The following RFC3 variants were observed in gnomAD, a reference collection of about 807,000 sequenced individuals.
The protein encoded by RFC3 is replication factor C subunit 3, also known as A1 38 kDa subunit.
RFC3 carries 41 observed loss-of-function variants against 45.1 expected under a neutral mutation model. The observed-to-expected ratio is 0.91, with a 90% CI of 0.71 to 1.18. The LOEUF is 1.18. RFC3 is among the 50% of genes most tolerant of loss of function. The pLI, the probability that RFC3 is intolerant of heterozygous loss-of-function variation, is 0.00. For missense variants in RFC3, 423 were observed against 428.1 expected (o/e 0.99, Z 0.10); for synonymous variants, 149 against 144.0 (o/e 1.03, Z -0.25).
chr13:33,831,241 CT>C lies in RFC3; in HGVS notation c.711-10del. 1 of 1,495,062 alleles carries C rather than the reference CT, an allele frequency of 6.7e-7. No individual in the cohort carries two copies. The highest frequency in any genetic ancestry group is 9.3e-7 in the Non-Finnish European group (1 of 1,071,930). The allele number at this position is 1,495,062 out of a possible 1,614,324, so 92.6% of individuals were successfully genotyped here. On this transcript the variant is annotated splice_polypyrimidine_tract_variant and intron_variant, in intron 6 of 8. Transcript: ENST00000380071. ...ACTTCTGTTTAACTTCTTGTGTTCT[CT>C]TTTTGTCATGTAGATATCCTTTTAC...
At chr13:33,838,544 A>G (rs1270264004), downstream of RFC3, among the ~76,000 whole-genome samples, 1 of 152,066 alleles carries the variant, frequency 6.6e-6, no homozygotes, top group Non-Finnish European at 1.5e-5. Context: ...CTTTTACATA[A>G]TGAGCCAATT....
chr13:33,823,976 T>C lies in RFC3; in HGVS notation c.285T>C (p.Val95=). 6.6e-7 allele frequency: 1 copy of C among 1,519,350 alleles called. No individual in the cohort carries two copies. The allele number at this position is 1,519,350 out of a possible 1,614,324, so 94.1% of individuals were successfully genotyped here. ...TTGCAAGTAACTACCACCTTGAAGT[T>C]AATCCTAGGTAAGTTACTACTATAT... ...STIASNYHLE[V]NPSDAGNSDR... The change falls in exon 3 of 9, where the codon GTT becomes GTC. Residue 95 remains valine (V), a synonymous_variant. Coordinates refer to ENST00000380071, the MANE Select transcript of RFC3 (RefSeq NM_002915.4).
chr13:33,969,505 C>T (rs1280653912), downstream of RFC3, among the ~76,000 whole-genome samples: 2 of 152,180 alleles, frequency 1.3e-5, no homozygotes, highest in Non-Finnish European at 2.9e-5. Context: ...CCCTTTAGGA[C>T]ACATGTGTGA....
rs555795532 is a variant in RFC3 at position 33,831,856 on chromosome 13, A to C, written c.809+502A>C. Among the ~76,000 whole-genome samples the C allele has an allele frequency of 1.2e-4, 19 of 152,284 alleles. No individual in the cohort carries two copies. In the South Asian group the frequency reaches 1.9e-3, roughly 15 times the overall value. ...TCATTTGTATATTGAAGATATTATTATTGCCTCACCAAGGGTACTTTTGCA... is the reference window on the plus strand; with the variant it reads ...TCATTTGTATATTGAAGATATTATTCTTGCCTCACCAAGGGTACTTTTGCA... On this transcript the variant is annotated intron_variant, in intron 7 of 8. Coordinates refer to ENST00000380071, the MANE Select transcript of RFC3 (RefSeq NM_002915.4).
At chr13:33,831,017 A>G in intron 6 of RFC3, among the ~76,000 whole-genome samples, 162 bp downstream of exon 6, 1 of 152,182 alleles carries the variant, frequency 6.6e-6, no homozygotes, top group Admixed American at 6.5e-5. Flanking sequence ...TTAGATTTTC[A>G]TTTGGAGCGT....
chr13:33,975,794 A>G, the RFC3 span, among the ~76,000 whole-genome samples: 1 of 152,210 alleles, frequency 6.6e-6, no homozygotes, highest in East Asian at 1.9e-4. Flanking sequence ...CTATACATGT[A>G]TACTAGAATT....
the RFC3 span, among the ~76,000 whole-genome samples, chr13:33,972,640 A>G: frequency 6.6e-6 from 1 of 152,186 alleles, no homozygotes; most frequent in Non-Finnish European, 1.5e-5. Flanking sequence ...CAAACTCTGT[A>G]CCTGCAAGAT....
At chr13:33,906,350 A>C (rs1358806831) in intron 8 of RFC3, among the ~76,000 whole-genome samples, 1 of 152,072 alleles carries the variant, frequency 6.6e-6, no homozygotes, top group Non-Finnish European at 1.5e-5. Context: ...ACTGACCTTC[A>C]AGGTAAGAAT....
chr13:33,969,017 T>G (rs1044252655), downstream of RFC3, among the ~76,000 whole-genome samples: 9 of 152,196 alleles, frequency 5.9e-5, no homozygotes, highest in Non-Finnish European at 4.4e-5. Flanking sequence ...TCTTCATTAC[T>G]GCCATGTCCT....
downstream of RFC3, among the ~76,000 whole-genome samples, chr13:33,969,810 A>T (rs2083102506): frequency 6.6e-6 from 1 of 152,156 alleles, no homozygotes; most frequent in Non-Finnish European, 1.5e-5. Flanking sequence ...CTTCACAAAG[A>T]TATAACTATA....
At chr13:33,915,408 C>T (rs889270590) in intron 8 of RFC3, among the ~76,000 whole-genome samples, 8 of 152,092 alleles carry the variant, frequency 5.3e-5, no homozygotes, top group African/African-American at 9.7e-5. Context: ...TTGTTCAGTG[C>T]GTGGACCATA....
chr13:33,900,236 AAAG>A (rs1315183299), intron 8 of RFC3, among the ~76,000 whole-genome samples: 1 of 152,108 alleles, frequency 6.6e-6, no homozygotes, highest in Admixed American at 6.6e-5. Flanking sequence ...TCCCGAGAAA[AAAG>A]AACAAAGCGG....
chr13:33,848,919 A>G (rs761350931), intron 8 of RFC3: 3 of 152,196 alleles, frequency 2.0e-5, no homozygotes, highest in Non-Finnish European at 4.4e-5. Context: ...GTTCAGAAAA[A>G]TATTTATTGA....
At chr13:33,947,825 C>A (rs1481441035) in intron 8 of RFC3, among the ~76,000 whole-genome samples, 1 of 152,032 alleles carries the variant, frequency 6.6e-6, no homozygotes, top group African/African-American at 2.4e-5. Context: ...GCATTTTGGC[C>A]CTGTCCTAGA....
At chr13:33,842,411 C>T (rs1362338966), downstream of RFC3, among the ~76,000 whole-genome samples, 1 of 152,190 alleles carries the variant, frequency 6.6e-6, no homozygotes, top group Non-Finnish European at 1.5e-5. Context: ...GATGTGAACC[C>T]TCTTTGTCCA....
chr13:33,870,636 A>T (rs1251634813), intron 8 of RFC3, among the ~76,000 whole-genome samples: 1 of 152,178 alleles, frequency 6.6e-6, no homozygotes, highest in Non-Finnish European at 1.5e-5. Flanking sequence ...AGTGGAGAAG[A>T]TAAACACTCA....
intron 8 of RFC3, among the ~76,000 whole-genome samples, chr13:33,900,095 A>C (rs1044757321): frequency 1.3e-5 from 2 of 151,972 alleles, no homozygotes; most frequent in African/African-American, 4.8e-5. Flanking sequence ...TTAAAATGAC[A>C]ATACTACTCA....
intron 8 of RFC3, among the ~76,000 whole-genome samples, chr13:33,920,770 T>C (rs146546546): frequency 6.6e-6 from 1 of 152,176 alleles, no homozygotes. Context: ...TAGAGCTACT[T>C]TCTCAGCTCA....
chr13:33,876,241 T>TGATACAGCTGAA (rs1211148616), intron 8 of RFC3, among the ~76,000 whole-genome samples: 8 of 152,290 alleles, frequency 5.3e-5, no homozygotes, highest in East Asian at 3.9e-4. Context: ...AGCTCCCAGG[T>TGATACAGCTGAA]GATACAGCTG....
Sources: gnomAD v4.1 joint callset for allele counts (sites outside exome capture counted in the v4.1 genomes callset) on GRCh38, gnomAD v4.1.1 for gene constraint, MANE v1.5 for transcripts, NCBI Gene and HGNC (gene_info 2026-07-23, HGNC 2026-07-21) for gene names.